LAMA2: variants seen among roughly 807,000 people sequenced by gnomAD.
The protein encoded by LAMA2 is laminin subunit alpha-2.
A neutral mutation model predicts 364.8 loss-of-function variants in LAMA2; 269 were observed. That is an observed-to-expected ratio of 0.74 (90% CI 0.67 to 0.82). LAMA2 has a LOEUF of 0.82. Among genes scored for constraint, LAMA2 ranks in the 40% least tolerant of loss-of-function variants. The pLI, the probability that LAMA2 is intolerant of heterozygous loss-of-function variation, is 0.00. For missense variants in LAMA2, 3,807 were observed against 3,873.2 expected, an observed-to-expected ratio of 0.98 and a Z score of 0.45; for synonymous variants, 1,379 against 1,370.6, an observed-to-expected ratio of 1.01 and a Z score of -0.14.
chr6:129,309,209 T>C (rs9321159), intron 22 of LAMA2, among the ~76,000 whole-genome samples: 52,564 of 152,144 alleles, frequency 0.35, 10,656 homozygotes, highest in Non-Finnish European at 0.45. Flanking sequence ...TGGGCTGTTA[T>C]TGAAGTAGAA....
intron 14 of LAMA2, among the ~76,000 whole-genome samples, chr6:129,257,472 C>G (rs1786777716): frequency 6.6e-6 from 1 of 151,926 alleles, no homozygotes; most frequent in African/African-American, 2.4e-5. Context: ...GTTTTTGTAT[C>G]TTTTTTAAAA....
intron 42 of LAMA2, among the ~76,000 whole-genome samples, chr6:129,438,979 C>T (rs1446066537): frequency 1.3e-5 from 2 of 151,708 alleles, no homozygotes; most frequent in Non-Finnish European, 2.9e-5. Flanking sequence ...AGCCAGTATC[C>T]TTAGGAATGT....
intron 1 of LAMA2, among the ~76,000 whole-genome samples, chr6:128,945,665 G>A (rs1283685190): frequency 6.6e-6 from 1 of 152,208 alleles, no homozygotes; most frequent in East Asian, 1.9e-4. Flanking sequence ...TGACTTCTCT[G>A]TTTGAGGACT....
At chr6:129,494,311 T>C (rs575502300) in intron 58 of LAMA2, among the ~76,000 whole-genome samples, 1 of 152,372 alleles carries the variant, frequency 6.6e-6, no homozygotes, top group South Asian at 2.1e-4. Flanking sequence ...AGTTATTCAA[T>C]GAGAGGCCAG....
chr6:129,137,756 T>C (rs972297166), intron 4 of LAMA2, among the ~76,000 whole-genome samples: 1 of 152,156 alleles, frequency 6.6e-6, no homozygotes, highest in South Asian at 2.1e-4. Context: ...GGACTGCTAT[T>C]GATATGTTCA....
chr6:128,922,693 G>A (rs1345362162), intron 1 of LAMA2, among the ~76,000 whole-genome samples: 204 of 151,538 alleles, frequency 1.3e-3, no homozygotes, highest in African/African-American at 4.5e-3. Flanking sequence ...CTTTTGCTGT[G>A]CAGAAGCTCT....
At chr6:129,418,373 C>T (rs570787103) in intron 40 of LAMA2, among the ~76,000 whole-genome samples, 6 of 151,834 alleles carry the variant, frequency 4.0e-5, no homozygotes, top group East Asian at 1.9e-4. Context: ...AACAGGTGAT[C>T]GCCAAATATA....
At chr6:129,069,600 T>C (rs915509146) in intron 3 of LAMA2, among the ~76,000 whole-genome samples, 2 of 148,988 alleles carry the variant, frequency 1.3e-5, no homozygotes, top group East Asian at 1.9e-4. Flanking sequence ...AGAATACTGG[T>C]TATTGTTACA....
At chr6:129,314,392 C>G (rs1380423394) in intron 23 of LAMA2, among the ~76,000 whole-genome samples, 1 of 93,962 alleles carries the variant, frequency 1.1e-5, no homozygotes, top group Non-Finnish European at 1.9e-5. Flanking sequence ...GAGCGAGACT[C>G]CGTCTCAAAA....
intron 31 of LAMA2, among the ~76,000 whole-genome samples, chr6:129,350,951 G>T (rs941910441): frequency 6.6e-6 from 1 of 152,102 alleles, no homozygotes; most frequent in African/African-American, 2.4e-5. Flanking sequence ...ACAGAAATTA[G>T]CAGCAATTAA....
At chr6:129,453,356 C>T (rs1782785889) in intron 46 of LAMA2, among the ~76,000 whole-genome samples, 2 of 152,124 alleles carry the variant, frequency 1.3e-5, no homozygotes, top group Non-Finnish European at 2.9e-5. Flanking sequence ...CATTTACTTT[C>T]ATTTGTCAGT....
intron 3 of LAMA2, among the ~76,000 whole-genome samples, chr6:129,067,387 G>T (rs1264406732): frequency 6.6e-6 from 1 of 152,140 alleles, no homozygotes; most frequent in African/African-American, 2.4e-5. Flanking sequence ...CCCTTTAAAT[G>T]AATTTGTGCT....
At chr6:129,158,967 G>A (rs763548242) in intron 8 of LAMA2, 23 of 1,588,938 alleles carry the variant, frequency 1.4e-5, no homozygotes, top group Non-Finnish European at 1.6e-5. Context: ...GTATCCTCTG[G>A]TGCTAAGGTT....
intron 17 of LAMA2, among the ~76,000 whole-genome samples, chr6:129,274,625 T>G (rs1441982469): frequency 1.3e-5 from 2 of 152,046 alleles, no homozygotes; most frequent in Non-Finnish European, 2.9e-5. Context: ...ATTATTATGA[T>G]GTATGAATAC....
At chr6:129,103,070 G>A (rs1347443134) in intron 4 of LAMA2, among the ~76,000 whole-genome samples, 2 of 152,182 alleles carry the variant, frequency 1.3e-5, no homozygotes, top group African/African-American at 4.8e-5. Flanking sequence ...ACAGGAAAAT[G>A]CTCACAGGAC....
At chr6:129,406,037 C>T (rs566726325) in intron 40 of LAMA2, among the ~76,000 whole-genome samples, 8 of 152,104 alleles carry the variant, frequency 5.3e-5, no homozygotes, top group East Asian at 1.9e-4. Context: ...GAGCAACCAA[C>T]GACCACTATG....
intron 44 of LAMA2, among the ~76,000 whole-genome samples, chr6:129,445,397 G>A (rs761574172): frequency 6.6e-6 from 1 of 152,152 alleles, no homozygotes; most frequent in East Asian, 1.9e-4. Context: ...ATTGAATTAA[G>A]TTCTTCATAT....
At chr6:129,091,381 C>G (rs546286078) in intron 3 of LAMA2, among the ~76,000 whole-genome samples, 1 of 152,236 alleles carries the variant, frequency 6.6e-6, no homozygotes, top group East Asian at 1.9e-4. Flanking sequence ...AATTCATTTT[C>G]CAATGTGTTA....
chr6:129,193,893 T>C (rs1583221897), intron 12 of LAMA2, among the ~76,000 whole-genome samples: 1 of 152,154 alleles, frequency 6.6e-6, no homozygotes, highest in Non-Finnish European at 1.5e-5. Flanking sequence ...TGTTGGCTGG[T>C]TGAAACACTT....
Sources: allele counts gnomAD v4.1 joint callset (sites outside exome capture counted in the v4.1 genomes callset), GRCh38; gene constraint gnomAD v4.1.1; transcripts MANE v1.5; gene names NCBI Gene and HGNC (gene_info 2026-07-23, HGNC 2026-07-21).